TLL1: variants seen among roughly 807,000 people sequenced by gnomAD.
The protein encoded by TLL1 is tolloid-like protein 1.
A neutral mutation model predicts 128.2 loss-of-function variants in TLL1; 49 were observed. That is an observed-to-expected ratio of 0.38 (90% CI 0.30 to 0.48). TLL1 has a LOEUF of 0.48. Among genes scored for constraint, TLL1 ranks in the 20% least tolerant of loss-of-function variants. The pLI is 0.96. For synonymous variants in TLL1, 454 were observed against 418.8 expected (o/e 1.08, Z -1.03); for missense variants, 1,123 against 1,242.0 (o/e 0.90, Z 1.44).
intron 10 of TLL1, among the ~76,000 whole-genome samples, chr4:166,041,158 A>T (rs1288827386): frequency 6.6e-6 from 1 of 152,190 alleles, no homozygotes; most frequent in Non-Finnish European, 1.5e-5. Context: ...TAATCTACAG[A>T]TTATAGCTTT....
intron 6 of TLL1, among the ~76,000 whole-genome samples, chr4:166,004,347 G>T (rs975882172): frequency 3.3e-5 from 5 of 151,994 alleles, no homozygotes; most frequent in African/African-American, 1.2e-4. Flanking sequence ...TACAAACATT[G>T]AATTCCTTCT....
intron 1 of TLL1, among the ~76,000 whole-genome samples, chr4:165,931,816 A>G (rs1021326902): frequency 3.9e-5 from 6 of 152,204 alleles, no homozygotes; most frequent in African/African-American, 1.4e-4. Context: ...ACTTGCACTA[A>G]GAGAAAGTGC....
chr4:166,052,965 GTA>G lies in TLL1; in HGVS notation c.1525-2095_1525-2094del, dbSNP rs61229255. Among the ~76,000 whole-genome samples, 54 of 99,418 alleles carry G rather than the reference GTA, an allele frequency of 5.4e-4. 1 individual carries two copies. Among genetic ancestry groups the G allele is most frequent in the Admixed American group, 9.6e-4 (10 of 10,424 alleles). The allele number at this position is 99,418 out of a possible 152,430, so 65.2% of individuals were successfully genotyped here. On this transcript the variant is annotated intron_variant, in intron 12 of 20. Transcript: ENST00000061240. ...TAAAGACTGAGATAAGAGGTTATGT[GTA>G]TATATATATATATATTTGGCCAAAT...
intron 1 of TLL1, among the ~76,000 whole-genome samples, chr4:165,879,677 A>G (rs1423843468): frequency 6.6e-6 from 1 of 152,008 alleles, no homozygotes; most frequent in African/African-American, 2.4e-5. Flanking sequence ...ACAGAGGCAA[A>G]TAATCCATTT....
intron 1 of TLL1, among the ~76,000 whole-genome samples, chr4:165,961,328 A>G (rs1403202336): frequency 6.6e-6 from 1 of 152,008 alleles, no homozygotes; most frequent in African/African-American, 2.4e-5. Context: ...ACATGTCACA[A>G]ACGAATGGAA....
intron 9 of TLL1, among the ~76,000 whole-genome samples, chr4:166,038,937 T>C (rs1290290714): frequency 1.3e-5 from 2 of 152,206 alleles, no homozygotes; most frequent in African/African-American, 4.8e-5. Context: ...AAATAAATTA[T>C]TTTTTAAAAG....
At chr4:166,050,351 A>G (rs961157856) in intron 12 of TLL1, among the ~76,000 whole-genome samples, 4 of 152,134 alleles carry the variant, frequency 2.6e-5, no homozygotes, top group Non-Finnish European at 5.9e-5. Context: ...CTATCAATGA[A>G]CCTGTGGATT....
chr4:165,977,558 A>G (rs890342563), intron 1 of TLL1, among the ~76,000 whole-genome samples: 14 of 152,156 alleles, frequency 9.2e-5, no homozygotes, highest in African/African-American at 2.9e-4. Flanking sequence ...AGGAAAAGAT[A>G]TGTTGCTTAA....
chr4:165,948,511 A>G (rs745549919), intron 1 of TLL1, among the ~76,000 whole-genome samples: 5 of 152,114 alleles, frequency 3.3e-5, no homozygotes, highest in Non-Finnish European at 7.4e-5. Flanking sequence ...TCTTACAGTT[A>G]TGGAGGCTGA....
chr4:166,049,622 T>A (rs1579673037), intron 12 of TLL1, among the ~76,000 whole-genome samples: 2 of 117,400 alleles, frequency 1.7e-5, no homozygotes, highest in Non-Finnish European at 3.6e-5. Flanking sequence ...ATGTTTGAAC[T>A]TTTTTTTGAG....
chr4:165,959,092 C>G (rs1203163792), intron 1 of TLL1, among the ~76,000 whole-genome samples: 5 of 150,542 alleles, frequency 3.3e-5, no homozygotes, highest in Non-Finnish European at 1.5e-5. Context: ...GGTACCAGTA[C>G]CATGCTGTTT....
intron 1 of TLL1, among the ~76,000 whole-genome samples, chr4:165,932,560 T>C (rs143124241): frequency 6.6e-6 from 1 of 152,244 alleles, no homozygotes; most frequent in Admixed American, 6.5e-5. Flanking sequence ...TGGAGCTCAG[T>C]CATGGGGCTA....
intron 1 of TLL1, among the ~76,000 whole-genome samples, chr4:165,980,102 G>T (rs940969811): frequency 6.6e-6 from 1 of 152,110 alleles, no homozygotes. Context: ...AATCTTCCTT[G>T]TTCTGGCTCC....
At chr4:166,007,858 A>G in intron 6 of TLL1, 85 bp from the exon 7 acceptor site, 1 of 839,230 alleles carries the variant, frequency 1.2e-6, no homozygotes, top group Non-Finnish European at 2.1e-6. Flanking sequence ...TTCACAAAGA[A>G]CAGATGCAGG....
At chr4:165,952,286 A>C (rs1390951284) in intron 1 of TLL1, among the ~76,000 whole-genome samples, 1 of 152,138 alleles carries the variant, frequency 6.6e-6, no homozygotes, top group African/African-American at 2.4e-5. Flanking sequence ...ATCTATTAAA[A>C]CTACAAAATA....
chr4:166,040,251 T>A (rs1344567640), intron 10 of TLL1, among the ~76,000 whole-genome samples: 1 of 152,202 alleles, frequency 6.6e-6, no homozygotes, highest in African/African-American at 2.4e-5. Flanking sequence ...TGGGCACAAT[T>A]GTATTAAAAG....
rs182741543 is a variant in TLL1 at position 166,011,000 on chromosome 4, G to A, written c.917+2952G>A. On this transcript the variant is annotated intron_variant, in intron 7 of 20. Coordinates refer to ENST00000061240, the MANE Select transcript of TLL1 (RefSeq NM_012464.5). ...CTGTGCTCTCTCTTTTATTTCACCC[G>A]TCTATAGATCTGTCTTTATACCAAT... Among the ~76,000 whole-genome samples, 17 of 150,724 alleles carry A rather than the reference G, an allele frequency of 1.1e-4. 1 individual carries two copies. The highest frequency in any genetic ancestry group is 4.2e-4 in the South Asian group (2 of 4,808).
chr4:165,896,368 C>A lies in TLL1; in HGVS notation c.169+22295C>A, dbSNP rs543529909. 1.2e-3 allele frequency among the ~76,000 whole-genome samples: 189 copies of A among 151,770 alleles called. 6 individuals are homozygous for A. In the South Asian group the frequency reaches 0.038, roughly 31 times the overall value. On this transcript the variant is annotated intron_variant, in intron 1 of 20. Transcript: ENST00000061240. Reference sequence around the variant, plus strand: ...TTGGGTTGGTTCCAAGGCTTTGCTACTGTGAATAGTGCTGCAATAAACATA... The same window carrying A: ...TTGGGTTGGTTCCAAGGCTTTGCTAATGTGAATAGTGCTGCAATAAACATA...
At chr4:165,981,084 C>T (rs1429893799) in intron 1 of TLL1, among the ~76,000 whole-genome samples, 1 of 151,882 alleles carries the variant, frequency 6.6e-6, no homozygotes, top group Non-Finnish European at 1.5e-5. Context: ...AGAGAGTAAC[C>T]AATATAATTA....
Sources: gnomAD v4.1 joint callset for allele counts (sites outside exome capture counted in the v4.1 genomes callset) on GRCh38, gnomAD v4.1.1 for gene constraint, MANE v1.5 for transcripts, NCBI Gene and HGNC (gene_info 2026-07-23, HGNC 2026-07-21) for gene names.